The following LGR6 variants were observed in gnomAD, a reference collection of about 807,000 sequenced individuals.
The protein encoded by LGR6 is leucine-rich repeat-containing G protein-coupled receptor 6.
Under a neutral mutation model 69.4 loss-of-function variants are expected in LGR6, and 45 were observed. The observed-to-expected ratio is 0.65, with a 90% CI of 0.51 to 0.83. The LOEUF is 0.83. LGR6 is among the 40% of genes least tolerant of loss of function. The pLI, the probability that LGR6 is intolerant of heterozygous loss-of-function variation, is 0.00. For missense variants in LGR6, 1,108 were observed against 1,246.7 expected, an observed-to-expected ratio of 0.89 and a Z score of 1.68; for synonymous variants, 538 against 555.0, an observed-to-expected ratio of 0.97 and a Z score of 0.43.
At chr1:202,277,395 C>G (rs1665655836) in intron 5 of LGR6, among the ~76,000 whole-genome samples, 1 of 152,096 alleles carries the variant, frequency 6.6e-6, no homozygotes, top group African/African-American at 2.4e-5. Context: ...AGGTCAATAT[C>G]CTTGTGGACT....
At chr1:202,217,111 G>C (rs1659838774) in intron 1 of LGR6, among the ~76,000 whole-genome samples, 1 of 152,236 alleles carries the variant, frequency 6.6e-6, no homozygotes, top group African/African-American at 2.4e-5. Flanking sequence ...CCCCTGCAGT[G>C]CTGAGGGTGG....
chr1:202,230,907 T>C (rs929265193), intron 3 of LGR6, among the ~76,000 whole-genome samples: 1 of 152,298 alleles, frequency 6.6e-6, no homozygotes, highest in Non-Finnish European at 1.5e-5. Flanking sequence ...GGGGTAACAG[T>C]CTGAGGACCT....
intron 1 of LGR6, among the ~76,000 whole-genome samples, chr1:202,217,031 C>T (rs190282582): frequency 1.3e-5 from 2 of 152,338 alleles, no homozygotes; most frequent in Non-Finnish European, 2.9e-5. Flanking sequence ...TCCAGCTTCA[C>T]AGCTGTGCCG....
intron 13 of LGR6, 55 bp from the exon 14 acceptor site, chr1:202,307,275 C>G: frequency 6.5e-7 from 1 of 1,534,564 alleles, no homozygotes; most frequent in Non-Finnish European, 9.0e-7. Flanking sequence ...ATGATGGGAA[C>G]AGTGAGTCCT....
At position 202,310,352 on chromosome 1, in the gene LGR6, A is replaced by C. The variant is rs773642071; in HGVS notation, c.1562A>C (p.Asn521Thr). ...PLGLLARQAE[N>T]HYDQDLDELQ... ...GGCCTCCTTGCCAGACAAGCAGAGA[A>C]CCACTGTGAGTGACCAGGGGCCCTG... The change falls in exon 16 of 18, where the codon AAC (asparagine) becomes ACC (threonine). Residue 521 changes from asparagine (N) to threonine (T), a missense_variant. By Grantham distance (65) the Asn-to-Thr change is moderately conservative (BLOSUM62 0). Transcript: ENST00000367278. The C allele has an allele frequency of 1.9e-6, 3 of 1,613,450 alleles. No homozygotes were observed. The South Asian group carries it at 3.3e-5, about 18-fold the overall frequency.
chr1:202,253,283 A>C (rs915557188), intron 4 of LGR6, among the ~76,000 whole-genome samples: 2 of 152,076 alleles, frequency 1.3e-5, no homozygotes, highest in African/African-American at 4.8e-5. Flanking sequence ...TCCTGAGTGC[A>C]TGATAACTGA....
intron 4 of LGR6, among the ~76,000 whole-genome samples, chr1:202,269,849 G>A (rs1664950882): frequency 1.3e-5 from 2 of 152,178 alleles, no homozygotes; most frequent in Admixed American, 6.5e-5. Context: ...TGAATTTAAA[G>A]TCAGCCTGCA....
Position 202,317,941 on chromosome 1 carries a change from C to A in LGR6, c.1649-11C>A. ...CTCTGGCCCAGGGTTAATGTCTGAT[C>A]TCTCCTACAGGCCCCTTCAAGCCCT... On this transcript the variant is annotated splice_polypyrimidine_tract_variant and intron_variant, in intron 17 of 17. Transcript: ENST00000367278. 1 of 1,589,232 alleles carries A rather than the reference C, an allele frequency of 6.3e-7. No homozygotes were observed. The highest frequency in any genetic ancestry group is 1.7e-4 in the Middle Eastern group (1 of 5,948).
intron 4 of LGR6, among the ~76,000 whole-genome samples, chr1:202,247,519 G>T (rs1662820545): frequency 6.6e-6 from 1 of 152,124 alleles, no homozygotes; most frequent in South Asian, 2.1e-4. Flanking sequence ...TTGTACCCCC[G>T]CAGTCACTTG....
In LGR6 at chr1:202,268,541, A is replaced by C. The variant is rs1571929787; in HGVS notation, c.429-7765A>C. 6.9e-6 allele frequency among the ~76,000 whole-genome samples: 1 copy of C among 145,130 alleles called. No homozygotes were observed. The highest frequency in any genetic ancestry group is 2.2e-4 in the South Asian group (1 of 4,524). On this transcript the variant is annotated intron_variant, in intron 4 of 17. Transcript: ENST00000367278. This position sits in a 1 kb window ranked among gnomAD's most constrained non-coding sequence, Gnocchi z 4.4. ...CAGAGACTGAGATGTCCCCCTCCCC[A>C]CCCACATCTTTTCTCTATTCTCTCC...
intron 1 of LGR6, among the ~76,000 whole-genome samples, chr1:202,199,415 C>CT (rs1658757148): frequency 6.6e-6 from 1 of 152,134 alleles, no homozygotes; most frequent in Non-Finnish European, 1.5e-5. Context: ...GGGGAGCCAA[C>CT]ACCCCAGTTC....
rs1399862510 is a variant in LGR6 at position 202,268,083 on chromosome 1, C to T, written c.429-8223C>T. Among the ~76,000 whole-genome samples the T allele has an allele frequency of 1.3e-5, 2 of 152,196 alleles. No individual in the cohort carries two copies. The highest frequency in any genetic ancestry group is 4.8e-5 in the African/African-American group (2 of 41,434). ...CCGCGGGAAGGCAGAAGCTCATGAG[C>T]ATCCGTGCCTGAGTTGGTGGAGTCT... On this transcript the variant is annotated intron_variant, in intron 4 of 17. Transcript: ENST00000367278. The surrounding 1 kb of genome is among the most constrained non-coding windows in gnomAD (Gnocchi z 4.4).
rs1260923333 is a variant in LGR6 at position 202,314,856 on chromosome 1, C to G, written c.1622C>G (p.Pro541Arg). Residue 541 changes from proline to arginine, a missense_variant, in exon 17 of 18, where the codon CCC becomes CGC. Physicochemically the swap from Pro to Arg is moderately radical, Grantham distance 103. Coordinates refer to ENST00000367278, the MANE Select transcript of LGR6 (RefSeq NM_001017403.2). ...QLEMEDSKPH[P>R]SVQCSPTPGP... ...GAGATGGAGGACTCAAAGCCACACC[C>G]CAGTGTCCAGTGTAGCCCTACTCCA... 6.2e-7 allele frequency: 1 copy of G among 1,613,966 alleles called. No homozygotes were observed. The highest frequency in any genetic ancestry group is 2.2e-5 in the East Asian group (1 of 44,882).
At chr1:202,228,368 T>C (rs2147964335) in intron 3 of LGR6, among the ~76,000 whole-genome samples, 1 of 152,282 alleles carries the variant, frequency 6.6e-6, no homozygotes, top group Middle Eastern at 3.4e-3. Flanking sequence ...ATAAGACTGT[T>C]TCTGGAGAGG....
chr1:202,224,770 A>G (rs1186713791), intron 1 of LGR6, among the ~76,000 whole-genome samples: 1 of 152,000 alleles, frequency 6.6e-6, no homozygotes, highest in Non-Finnish European at 1.5e-5. Flanking sequence ...CTCCCTCTCT[A>G]TGTTCCGCCT....
At chr1:202,234,715 C>T (rs551075817) in intron 3 of LGR6, among the ~76,000 whole-genome samples, 1 of 152,310 alleles carries the variant, frequency 6.6e-6, no homozygotes, top group South Asian at 2.1e-4. Flanking sequence ...TGAATTAATA[C>T]AAGTTCTAAG....
intron 1 of LGR6, chr1:202,194,717 G>GGGGTGGT: frequency 5.3e-6 from 1 of 189,228 alleles, no homozygotes; most frequent in Non-Finnish European, 1.0e-5. Flanking sequence ...GGGGGGGCGG[G>GGGGTGGT]TTTCCTAGAA....
chr1:202,263,060 C>T (rs1452879303), intron 4 of LGR6, among the ~76,000 whole-genome samples: 1 of 151,516 alleles, frequency 6.6e-6, no homozygotes, highest in African/African-American at 2.4e-5. Flanking sequence ...ATTTCTTGTA[C>T]CTTACTGAGG....
chr1:202,256,186 A>G (rs1663757495), intron 4 of LGR6, among the ~76,000 whole-genome samples: 2 of 152,170 alleles, frequency 1.3e-5, no homozygotes, highest in South Asian at 4.1e-4. Context: ...AATGTTTTCA[A>G]GGTTCATCCA....
Sources: gnomAD v4.1 joint callset for allele counts (sites outside exome capture counted in the v4.1 genomes callset) on GRCh38, gnomAD v4.1.1 for gene constraint, Gnocchi (gnomAD v3.1) non-coding constraint, MANE v1.5 for transcripts, NCBI Gene and HGNC (gene_info 2026-07-23, HGNC 2026-07-21) for gene names.